RALGDS: variants seen among roughly 807,000 people sequenced by gnomAD.
RALGDS encodes ral guanine nucleotide dissociation stimulator.
Under a neutral mutation model 99.8 loss-of-function variants are expected in RALGDS, and 44 were observed. The ratio of observed to expected loss-of-function variants is 0.44; its 90% CI spans 0.35 to 0.57. RALGDS has a LOEUF of 0.57. Ranked by LOEUF, RALGDS falls within the 20% of genes least tolerant of loss-of-function variation. The pLI, the probability that RALGDS is intolerant of heterozygous loss-of-function variation, is 0.01. For synonymous variants in RALGDS, 529 were observed against 505.0 expected (o/e 1.05, Z -0.64); for missense variants, 1,022 against 1,203.1 (o/e 0.85, Z 2.23).
At chr9:133,130,892 C>G in intron 1 of RALGDS, 5 of 1,464,400 alleles carry the variant, frequency 3.4e-6, no homozygotes, top group Admixed American at 2.0e-5. Flanking sequence ...GAGCCCCAAC[C>G]CCAAAGCCCA....
At chr9:133,127,204 G>A (rs899993656) in intron 1 of RALGDS, among the ~76,000 whole-genome samples, 1 of 152,264 alleles carries the variant, frequency 6.6e-6, no homozygotes, top group African/African-American at 2.4e-5. Context: ...CTGCCTTAAC[G>A]CAGGGCCCCA....
At chr9:133,117,116 TGGAA>T (rs1029199616) in intron 1 of RALGDS, among the ~76,000 whole-genome samples, 3 of 152,196 alleles carry the variant, frequency 2.0e-5, no homozygotes, top group Non-Finnish European at 4.4e-5. Flanking sequence ...CCAGGGCACT[TGGAA>T]GGGTCAGGCC....
chr9:133,147,935 C>CAT (rs1832652178), intron 1 of RALGDS, among the ~76,000 whole-genome samples: 1 of 152,182 alleles, frequency 6.6e-6, no homozygotes, highest in African/African-American at 2.4e-5. Context: ...ACCAGGGCAA[C>CAT]GGCTCTGGCC....
intron 1 of RALGDS, among the ~76,000 whole-genome samples, chr9:133,141,120 C>T (rs925916517): frequency 2.6e-5 from 4 of 151,846 alleles, no homozygotes; most frequent in African/African-American, 9.7e-5. Flanking sequence ...GAGCAAATGA[C>T]CAGGGTCAGA....
intron 14 of RALGDS, 27 bp downstream of exon 14, chr9:133,102,449 C>T: frequency 1.2e-6 from 2 of 1,606,780 alleles, no homozygotes; most frequent in East Asian, 2.2e-5. Flanking sequence ...AGGCAGCTGC[C>T]CCTACCACCC....
intron 1 of RALGDS, among the ~76,000 whole-genome samples, chr9:133,137,689 C>G (rs1832449514): frequency 1.3e-5 from 2 of 152,242 alleles, no homozygotes; most frequent in African/African-American, 4.8e-5. Flanking sequence ...AAGCAGGGCC[C>G]TGGAGTTTCC....
chr9:133,098,555 C>T lies in RALGDS; in HGVS notation c.*32G>A. 1.2e-6 allele frequency: 2 copies of T among 1,612,568 alleles called. No homozygotes were observed. The highest frequency in any genetic ancestry group is 1.7e-6 in the Non-Finnish European group (2 of 1,179,612). ...GCCACTCTGGTCCATAAGTGCTTGG[C>T]TACCAGCCAGCCAGACCCTGGGAGG... On this transcript the variant is annotated 3_prime_UTR_variant, in exon 18 of 18. Coordinates refer to ENST00000372050, the MANE Select transcript of RALGDS (RefSeq NM_006266.4).
intron 1 of RALGDS, among the ~76,000 whole-genome samples, chr9:133,138,372 G>T (rs77785575): frequency 6.6e-6 from 1 of 152,288 alleles, no homozygotes; most frequent in Non-Finnish European, 1.5e-5. Context: ...CCTGGAAGGC[G>T]AGGCTCAAGG....
chr9:133,115,845 C>T (rs776144297), intron 1 of RALGDS, among the ~76,000 whole-genome samples: 6 of 152,246 alleles, frequency 3.9e-5, no homozygotes, highest in Non-Finnish European at 8.8e-5. Context: ...CACCCTGAAA[C>T]CCAGTGGGTG....
At chr9:133,115,214 A>G (rs1831539187) in intron 1 of RALGDS, among the ~76,000 whole-genome samples, 1 of 152,052 alleles carries the variant, frequency 6.6e-6, no homozygotes, top group African/African-American at 2.4e-5. Context: ...GCAGCTCCGG[A>G]CTCAGACGCC....
At chr9:133,106,559 G>A (rs1243277143) in intron 8 of RALGDS, 86 bp downstream of exon 8, 3 of 1,045,202 alleles carry the variant, frequency 2.9e-6, no homozygotes, top group Non-Finnish European at 4.3e-6. Flanking sequence ...CAGGGTTTGT[G>A]GCCTCCCATG....
At chr9:133,121,682 C>G (rs527801268), upstream of RALGDS, among the ~76,000 whole-genome samples, 1 of 152,354 alleles carries the variant, frequency 6.6e-6, no homozygotes, top group African/African-American at 2.4e-5. Flanking sequence ...AGTTGCTTAA[C>G]CCCTCTGAGC....
At chr9:133,119,829 C>T (rs1417706895) in intron 1 of RALGDS, among the ~76,000 whole-genome samples, 1 of 152,174 alleles carries the variant, frequency 6.6e-6, no homozygotes, top group Non-Finnish European at 1.5e-5. Flanking sequence ...AAGAGCTCTG[C>T]CCAACACTGG....
chr9:133,110,197 G>A, intron 3 of RALGDS, 99 bp downstream of exon 3: 1 of 1,245,134 alleles, frequency 8.0e-7, no homozygotes, highest in Non-Finnish European at 1.2e-6. Flanking sequence ...AGCAAAGCGA[G>A]GCTCAGAGAG....
At chr9:133,131,770 C>A (rs1832339120), upstream of RALGDS, among the ~76,000 whole-genome samples, 1 of 152,194 alleles carries the variant, frequency 6.6e-6, no homozygotes, top group South Asian at 2.1e-4. Context: ...TTGGTCAGCC[C>A]AGGACTGAAA....
intron 1 of RALGDS, among the ~76,000 whole-genome samples, chr9:133,119,069 T>C (rs1408971571): frequency 1.3e-5 from 2 of 152,202 alleles, no homozygotes; most frequent in Non-Finnish European, 2.9e-5. Context: ...ATTGGTGGCT[T>C]GGCTTAGAAT....
At chr9:133,103,670 T>C in intron 11 of RALGDS, 77 bp downstream of exon 11, 1 of 1,410,706 alleles carries the variant, frequency 7.1e-7, no homozygotes, top group Non-Finnish European at 1.0e-6. Flanking sequence ...CTGGGACAGG[T>C]GTGGCAGCCC....
In RALGDS at chr9:133,126,605, G is replaced by A. The variant is rs373775491; in HGVS notation, c.132+4347C>T. Among the ~76,000 whole-genome samples the A allele has an allele frequency of 1.5e-4, 23 of 152,254 alleles. No homozygotes were observed. The East Asian group carries it at 2.3e-3, about 15-fold the overall frequency. On this transcript the variant is annotated intron_variant, in intron 1 of 17. Transcript: ENST00000372062. ...GCTCTGACAACTGTCCCCCACTCCCGCAGTGCCCAGTGCCCGACACCCTGG... is the reference window on the plus strand; with the variant it reads ...GCTCTGACAACTGTCCCCCACTCCCACAGTGCCCAGTGCCCGACACCCTGG...
Position 133,100,317 on chromosome 9 carries a change from C to T in RALGDS, c.2520G>A (p.Glu840=), listed in dbSNP as rs1438198996. The T allele has an allele frequency of 1.2e-6, 2 of 1,614,132 alleles. No homozygotes were observed. Among genetic ancestry groups the T allele is most frequent in the African/African-American group, 2.7e-5 (2 of 74,954 alleles). The change falls in exon 17 of 18, where the codon GAG becomes GAA. Residue 840 remains glutamate (E), a synonymous_variant. Transcript: ENST00000372050. ...GCAGCTCATAGTCCTCCGGCTCCTCCTCCTCCAGGTTGTGTTTGTCCATGG... is the reference window on the plus strand; with the variant it reads ...GCAGCTCATAGTCCTCCGGCTCCTCTTCCTCCAGGTTGTGTTTGTCCATGG... ...RKAMDKHNLE[E]EEPEDYELLQ...
Sources: allele counts gnomAD v4.1 joint callset (sites outside exome capture counted in the v4.1 genomes callset), GRCh38; gene constraint gnomAD v4.1.1; transcripts MANE v1.5; gene names NCBI Gene and HGNC (gene_info 2026-07-23, HGNC 2026-07-21).